Variants in SGPP2 observed in about 807,000 individuals in gnomAD.
SGPP2 encodes sphingosine 1-phosphate phosphohydrolase 2.
Under a neutral mutation model 33.9 loss-of-function variants are expected in SGPP2, and 30 were observed. The ratio of observed to expected loss-of-function variants is 0.89; its 90% CI spans 0.66 to 1.20. SGPP2 has a LOEUF of 1.20. Ranked by LOEUF, SGPP2 falls within the 50% of genes most tolerant of loss-of-function variation. The probability of loss-of-function intolerance (pLI) is 0.00; values close to 1 mark genes in which losing one functional copy is unlikely to be tolerated. For missense variants in SGPP2, 458 were observed against 532.1 expected (o/e 0.86, Z 1.37); for synonymous variants, 233 against 225.0 (o/e 1.04, Z -0.32).
intron 2 of SGPP2, among the ~76,000 whole-genome samples, chr2:222,487,509 T>G (rs2106107585): frequency 6.6e-6 from 1 of 152,314 alleles, no homozygotes; most frequent in South Asian, 2.1e-4. Context: ...TGGTGATGCA[T>G]CTTATAGGAT....
chr2:222,467,970 A>AAAAAAAAAAAAAAAAAAAAAAAAAAAAAG (rs1697774727), intron 1 of SGPP2, among the ~76,000 whole-genome samples: 1 of 129,842 alleles, frequency 7.7e-6, no homozygotes, highest in Non-Finnish European at 1.5e-5. Context: ...AAAAAAAAAA[A>AAAAAAAAAAAAAAAAAAAAAAAAAAAAAG]AAAAAAAAAA....
Position 222,505,862 on chromosome 2 carries a change from G to A in SGPP2, c.379-15905G>A, listed in dbSNP as rs554757434. ...AGGAAGGAGAATCATCTGAGCCCTG[G>A]AGGTCGAGGCTGCAGTGAACTGTGA... On this transcript the variant is annotated intron_variant, in intron 2 of 4. Coordinates refer to ENST00000321276, the MANE Select transcript of SGPP2 (RefSeq NM_152386.4). Among the ~76,000 whole-genome samples the A allele has an allele frequency of 1.3e-4, 19 of 151,488 alleles. 1 individual carries two copies. The highest frequency in any genetic ancestry group is 2.4e-4 in the Non-Finnish European group (16 of 67,916).
intron 4 of SGPP2, among the ~76,000 whole-genome samples, chr2:222,552,895 A>AC (rs530179186): frequency 1.2e-3 from 184 of 152,256 alleles, no homozygotes; most frequent in African/African-American, 4.2e-3. Context: ...CATGTAACCA[A>AC]CCACCACCTG....
At chr2:222,508,950 T>G (rs1698485113) in intron 2 of SGPP2, among the ~76,000 whole-genome samples, 1 of 152,064 alleles carries the variant, frequency 6.6e-6, no homozygotes, top group African/African-American at 2.4e-5. Flanking sequence ...AGCTCTGAAT[T>G]TAAAAAATAA....
In SGPP2 at chr2:222,489,408, T is replaced by C. The variant is rs866882807; in HGVS notation, c.378+14682T>C. On this transcript the variant is annotated intron_variant, in intron 2 of 4. Transcript: ENST00000321276. ...TGTATGTTGACTGTTAATTAGAATG[T>C]ATTAAGAAAAAAAAAAAAAGATCAG... Among the ~76,000 whole-genome samples the C allele has an allele frequency of 4.7e-5, 7 of 150,306 alleles. No individual in the cohort carries two copies. In the South Asian group the frequency reaches 1.5e-3, roughly 31 times the overall value.
At chr2:222,515,020 T>TA (rs540896338) in intron 2 of SGPP2, among the ~76,000 whole-genome samples, 3,868 of 141,512 alleles carry the variant, frequency 0.027, 62 homozygotes, top group South Asian at 0.051. Context: ...ATTCTTTCAT[T>TA]AAAAAAAAAA....
At position 222,424,755 on chromosome 2, in the gene SGPP2, C is replaced by A. The variant is rs1340337743; in HGVS notation, c.153C>A (p.Leu51=). 2 of 1,412,482 alleles carry A rather than the reference C, an allele frequency of 1.4e-6. No homozygotes were observed. The highest frequency in any genetic ancestry group is 6.2e-5 in the East Asian group (2 of 32,400). The allele number at this position is 1,412,482 out of a possible 1,614,324, so 87.5% of individuals were successfully genotyped here. The part of the protein sequence containing the change: ...RAARVPGVEH[L]PAANGKGGEA... ...CGCGGGTCCCCGGGGTCGAGCATCT[C>A]CCCGCAGCCAACGGCAAGGGCGGCG... Residue 51 remains leucine (L), a synonymous_variant, in exon 1 of 5, where the codon CTC becomes CTA. Transcript: ENST00000321276.
At chr2:222,555,015 C>T (rs2106157751) in intron 4 of SGPP2, among the ~76,000 whole-genome samples, 1 of 152,168 alleles carries the variant, frequency 6.6e-6, no homozygotes, top group East Asian at 1.9e-4. Context: ...CACAACATCC[C>T]CCCCACCCTG....
intron 2 of SGPP2, chr2:222,504,010 A>T (rs1217825893): frequency 6.6e-6 from 1 of 152,226 alleles, no homozygotes; most frequent in East Asian, 1.9e-4. Flanking sequence ...AAAATGGGAT[A>T]GTGGTTGTCA....
chr2:222,462,561 A>G (rs1354890450), intron 1 of SGPP2, among the ~76,000 whole-genome samples: 1 of 152,172 alleles, frequency 6.6e-6, no homozygotes, highest in Non-Finnish European at 1.5e-5. Flanking sequence ...GTCTGAAATA[A>G]TATTTAGGGA....
intron 4 of SGPP2, among the ~76,000 whole-genome samples, chr2:222,528,258 A>G (rs1165955694): frequency 6.6e-6 from 1 of 152,226 alleles, no homozygotes; most frequent in African/African-American, 2.4e-5. Context: ...TGAATGGATG[A>G]ACATAGTGTG....
At chr2:222,500,942 T>C (rs1574863641) in intron 2 of SGPP2, among the ~76,000 whole-genome samples, 4 of 152,342 alleles carry the variant, frequency 2.6e-5, no homozygotes, top group Admixed American at 2.6e-4. Flanking sequence ...TATCAGCCTT[T>C]GGAGACAAAG....
intron 2 of SGPP2, among the ~76,000 whole-genome samples, chr2:222,520,722 GAAAAAAAAAA>G (rs369507692): frequency 5.0e-5 from 2 of 39,698 alleles, no homozygotes; most frequent in African/African-American, 1.0e-4. Context: ...GTGAGACTCT[GAAAAAAAAAA>G]AAAAAAAAAA....
chr2:222,516,606 A>G (rs1698607448), intron 2 of SGPP2, among the ~76,000 whole-genome samples: 1 of 152,204 alleles, frequency 6.6e-6, no homozygotes, highest in Non-Finnish European at 1.5e-5. Flanking sequence ...GAAACTTATC[A>G]TATAAGTATA....
In SGPP2 at chr2:222,424,669, C is replaced by A; in HGVS notation, c.67C>A (p.Leu23Ile). The change falls in exon 1 of 5, where the codon CTC becomes ATC. Residue 23 changes from leucine (L) to isoleucine (I), a missense_variant. By Grantham distance (5) the Leu-to-Ile change is conservative (BLOSUM62 2). Coordinates refer to ENST00000321276, the MANE Select transcript of SGPP2 (RefSeq NM_152386.4). ...LVARFQRRCG[L>I]FPAPDEGPRE... is the part of the protein sequence containing the mutation. Reference sequence around the variant, plus strand: ...CGCCCGCTTCCAGCGCCGCTGCGGGCTCTTCCCCGCTCCGGATGAAGGCCC... The same window carrying A: ...CGCCCGCTTCCAGCGCCGCTGCGGGATCTTCCCCGCTCCGGATGAAGGCCC... 3.5e-6 allele frequency: 5 copies of A among 1,444,454 alleles called. No homozygotes were observed. The highest frequency in any genetic ancestry group is 1.3e-5 in the South Asian group (1 of 74,672). The allele number at this position is 1,444,454 out of a possible 1,614,324, so 89.5% of individuals were successfully genotyped here. A position where few individuals can be genotyped will look rare whatever the true frequency, so the allele number is the denominator to read the frequency against.
At chr2:222,464,541 G>A (rs1451315796) in intron 1 of SGPP2, among the ~76,000 whole-genome samples, 2 of 152,206 alleles carry the variant, frequency 1.3e-5, no homozygotes, top group East Asian at 3.9e-4. Flanking sequence ...GGAGTGCAGT[G>A]GCATGATCAT....
intron 4 of SGPP2, among the ~76,000 whole-genome samples, chr2:222,531,737 T>A (rs1315576271): frequency 6.6e-6 from 1 of 152,184 alleles, no homozygotes; most frequent in Non-Finnish European, 1.5e-5. Context: ...TCCTGAGCTT[T>A]GGTATTTTTT....
intron 1 of SGPP2, among the ~76,000 whole-genome samples, chr2:222,461,232 T>A (rs1697654637): frequency 6.6e-6 from 1 of 152,192 alleles, no homozygotes; most frequent in Non-Finnish European, 1.5e-5. Context: ...TGACTCCATT[T>A]CCCCTTCCAA....
chr2:222,551,469 A>T (rs1023941647), intron 4 of SGPP2, among the ~76,000 whole-genome samples: 6 of 152,224 alleles, frequency 3.9e-5, no homozygotes, highest in Admixed American at 3.9e-4. Context: ...TAACATAAAA[A>T]GTTGTTTTCA....
Sources: gnomAD v4.1 joint callset for allele counts (sites outside exome capture counted in the v4.1 genomes callset) on GRCh38, gnomAD v4.1.1 for gene constraint, MANE v1.5 for transcripts, NCBI Gene and HGNC (gene_info 2026-07-23, HGNC 2026-07-21) for gene names.